The following SLC44A5 variants were observed in gnomAD, a reference collection of about 807,000 sequenced individuals.
SLC44A5 encodes the protein choline transporter-like protein 5.
In SLC44A5, 57 loss-of-function variants were observed where a neutral mutation model predicts 101.8. The ratio of observed to expected loss-of-function variants is 0.56; its 90% CI spans 0.45 to 0.70. SLC44A5 has a LOEUF of 0.70. Among genes scored for constraint, SLC44A5 ranks in the 30% least tolerant of loss-of-function variants. SLC44A5 has a pLI of 0.00. For synonymous variants in SLC44A5, 281 were observed against 290.9 expected (o/e 0.97, Z 0.35); for missense variants, 737 against 853.1 (o/e 0.86, Z 1.70).
intron 2 of SLC44A5, among the ~76,000 whole-genome samples, chr1:75,480,145 C>A (rs1156542042): frequency 6.6e-6 from 1 of 152,154 alleles, no homozygotes; most frequent in Admixed American, 6.5e-5. Flanking sequence ...GAACCAATGA[C>A]AAAAACCACA....
chr1:75,654,616 G>A, the SLC44A5 span, among the ~76,000 whole-genome samples: 4 of 152,224 alleles, frequency 2.6e-5, no homozygotes, highest in Non-Finnish European at 2.9e-5. Flanking sequence ...GATTTTAGGT[G>A]TAAATGAGCA....
intron 2 of SLC44A5, among the ~76,000 whole-genome samples, chr1:75,528,106 AT>A (rs141087094): frequency 0.03 from 4,603 of 151,894 alleles, 232 homozygotes; most frequent in African/African-American, 0.11. Context: ...TCTTTAAGCT[AT>A]TTTTTTTCCA....
At chr1:75,288,074 C>T (rs1050710306) in intron 5 of SLC44A5, among the ~76,000 whole-genome samples, 11 of 152,054 alleles carry the variant, frequency 7.2e-5, no homozygotes, top group Admixed American at 2.6e-4. Flanking sequence ...CAAAGGTTTT[C>T]GGCTGTCTCA....
intron 2 of SLC44A5, among the ~76,000 whole-genome samples, chr1:75,417,553 T>C (rs752174426): frequency 6.6e-6 from 1 of 152,238 alleles, no homozygotes; most frequent in Non-Finnish European, 1.5e-5. Context: ...TGCCAGCCAC[T>C]GGCAAAAGAA....
chr1:75,654,648 C>T, the SLC44A5 span, among the ~76,000 whole-genome samples: 2 of 152,090 alleles, frequency 1.3e-5, no homozygotes, highest in Admixed American at 6.6e-5. Flanking sequence ...AAACTAAACT[C>T]GCAGTTCTAT....
At chr1:75,651,956 T>A in the SLC44A5 span, among the ~76,000 whole-genome samples, 1 of 151,962 alleles carries the variant, frequency 6.6e-6, no homozygotes, top group Non-Finnish European at 1.5e-5. Context: ...AGACTCCCAA[T>A]AGATAGAAAA....
At chr1:75,469,590 T>C (rs1454072414) in intron 2 of SLC44A5, among the ~76,000 whole-genome samples, 1 of 152,194 alleles carries the variant, frequency 6.6e-6, no homozygotes, top group Non-Finnish European at 1.5e-5. Flanking sequence ...AAAAATATTA[T>C]GCCATTGGGA....
rs1178054627 is a variant in SLC44A5, at chr1:75,203,617, G to C, written c.*110C>G. 20 of 1,311,784 alleles carry C rather than the reference G, an allele frequency of 1.5e-5. No individual in the cohort carries two copies. The highest frequency in any genetic ancestry group is 2.0e-5 in the Non-Finnish European group (20 of 984,500). 81.3% of individuals were successfully genotyped at this position (1,311,784 alleles called of 1,614,324 possible). On this transcript the variant is annotated 3_prime_UTR_variant, in exon 24 of 24. Transcript: ENST00000370859. ...AAACATGCAAATGCAAGCCAACAAG[G>C]TCGTGAATACAGTGTTGCTAAACAC...
chr1:75,657,318 G>T, the SLC44A5 span, among the ~76,000 whole-genome samples: 1 of 152,156 alleles, frequency 6.6e-6, no homozygotes, highest in African/African-American at 2.4e-5. Context: ...GGAGATGAAG[G>T]TTGGTTGATC....
the SLC44A5 span, among the ~76,000 whole-genome samples, chr1:75,718,620 G>A: frequency 6.6e-6 from 1 of 152,220 alleles, no homozygotes; most frequent in South Asian, 2.1e-4. Context: ...TACCTGAGGA[G>A]TGCAAAGAGG....
At chr1:75,356,610 T>G (rs932746785) in intron 3 of SLC44A5, among the ~76,000 whole-genome samples, 21 of 152,120 alleles carry the variant, frequency 1.4e-4, no homozygotes, top group African/African-American at 5.1e-4. Context: ...TTAATAAATT[T>G]AGTGTAAACT....
the SLC44A5 span, among the ~76,000 whole-genome samples, chr1:75,673,289 T>C: frequency 6.6e-6 from 1 of 151,804 alleles, no homozygotes; most frequent in African/African-American, 2.4e-5. Context: ...TAGGCTGTAC[T>C]TGCTGTGGGT....
intron 22 of SLC44A5, among the ~76,000 whole-genome samples, chr1:75,212,153 T>G (rs1375565413): frequency 6.6e-6 from 1 of 152,194 alleles, no homozygotes; most frequent in African/African-American, 2.4e-5. Context: ...TGTTTTTATT[T>G]CTGAAATATT....
At chr1:75,577,723 C>T (rs1673453265) in intron 1 of SLC44A5, among the ~76,000 whole-genome samples, 1 of 152,110 alleles carries the variant, frequency 6.6e-6, no homozygotes, top group South Asian at 2.1e-4. Flanking sequence ...AATATAAATT[C>T]TCTGAGAGCA....
At chr1:75,667,659 C>T in the SLC44A5 span, among the ~76,000 whole-genome samples, 20 of 152,240 alleles carry the variant, frequency 1.3e-4, no homozygotes, top group East Asian at 2.7e-3. Context: ...TTACAGGATA[C>T]TGAGACACAG....
chr1:75,338,993 TA>T (rs752904602), intron 4 of SLC44A5, among the ~76,000 whole-genome samples: 2 of 152,164 alleles, frequency 1.3e-5, no homozygotes, highest in African/African-American at 2.4e-5. Context: ...AAATAAATAA[TA>T]AGAGGACTAT....
chr1:75,343,482 T>C (rs958274308), intron 3 of SLC44A5, among the ~76,000 whole-genome samples: 1 of 152,186 alleles, frequency 6.6e-6, no homozygotes, highest in Admixed American at 6.5e-5. Context: ...TTAAAAGTAA[T>C]CTGTTTCTCA....
chr1:75,376,148 C>T (rs1011001950), intron 3 of SLC44A5, among the ~76,000 whole-genome samples: 10 of 152,142 alleles, frequency 6.6e-5, no homozygotes, highest in African/African-American at 1.9e-4. Context: ...AAACGGCGCA[C>T]GACGAGATTA....
At chr1:75,537,030 AAAAATAT>A (rs1411872581) in intron 2 of SLC44A5, among the ~76,000 whole-genome samples, 18 of 57,970 alleles carry the variant, frequency 3.1e-4, no homozygotes, top group South Asian at 1.0e-3. Flanking sequence ...AAAAAAAAAA[AAAAATAT>A]ATATCTATGC....
Sources: gnomAD v4.1 joint callset for allele counts (sites outside exome capture counted in the v4.1 genomes callset) on GRCh38, gnomAD v4.1.1 for gene constraint, MANE v1.5 for transcripts, NCBI Gene and HGNC (gene_info 2026-07-23, HGNC 2026-07-21) for gene names.